Variants in NFIA observed in about 807,000 individuals in gnomAD.
NFIA encodes the protein nuclear factor I A, also known as nuclear factor 1 A-type.
Under a neutral mutation model 62.8 loss-of-function variants are expected in NFIA, and 8 were observed. The observed-to-expected ratio is 0.13, with a 90% CI of 0.07 to 0.23. NFIA has a LOEUF of 0.23. NFIA is among the 10% of genes least tolerant of loss of function. The pLI, the probability that NFIA is intolerant of heterozygous loss-of-function variation, is 1.00. For missense variants in NFIA, 410 were observed against 642.1 expected, an observed-to-expected ratio of 0.64 and a Z score of 3.91; for synonymous variants, 235 against 238.1, an observed-to-expected ratio of 0.99 and a Z score of 0.12.
At chr1:61,157,180 T>G (rs1648878451) in intron 2 of NFIA, among the ~76,000 whole-genome samples, 1 of 152,220 alleles carries the variant, frequency 6.6e-6, no homozygotes, top group Non-Finnish European at 1.5e-5. Context: ...TGGCTTTTTG[T>G]TTTTTTGTTT....
At chr1:61,207,907 A>G (rs1345458175) in intron 2 of NFIA, among the ~76,000 whole-genome samples, 2 of 152,044 alleles carry the variant, frequency 1.3e-5, no homozygotes, top group African/African-American at 4.8e-5. Context: ...TTGCTGAGGA[A>G]AAGGAATGAG....
At chr1:61,113,809 A>G (rs949819103) in intron 2 of NFIA, among the ~76,000 whole-genome samples, 1 of 152,062 alleles carries the variant, frequency 6.6e-6, no homozygotes, top group Non-Finnish European at 1.5e-5. Flanking sequence ...AAGCAGACAT[A>G]TGCACGATTT....
At chr1:61,279,427 A>T (rs1184205691) in intron 3 of NFIA, among the ~76,000 whole-genome samples, 1 of 149,660 alleles carries the variant, frequency 6.7e-6, no homozygotes, top group African/African-American at 2.5e-5. Context: ...AGAACTCTGG[A>T]GGTTTGTTTT....
intron 10 of NFIA, among the ~76,000 whole-genome samples, chr1:61,428,066 C>T (rs1202353555): frequency 1.3e-5 from 2 of 152,152 alleles, no homozygotes; most frequent in African/African-American, 2.4e-5. Context: ...TCCCAAAGCA[C>T]GAATGTCCTC....
At chr1:61,154,952 T>C (rs1648688812) in intron 2 of NFIA, among the ~76,000 whole-genome samples, 1 of 152,234 alleles carries the variant, frequency 6.6e-6, no homozygotes, top group African/African-American at 2.4e-5. Flanking sequence ...ACATTGTTGC[T>C]AAAAGCTTAG....
chr1:61,220,733 G>A (rs1418425422), intron 2 of NFIA, among the ~76,000 whole-genome samples: 1 of 152,146 alleles, frequency 6.6e-6, no homozygotes, highest in East Asian at 1.9e-4. Flanking sequence ...AATGTGGTTT[G>A]CTGAAACCCA....
chr1:61,387,036 T>G (rs1664726012), intron 7 of NFIA, among the ~76,000 whole-genome samples: 1 of 152,212 alleles, frequency 6.6e-6, no homozygotes. Context: ...CCCCACCCTG[T>G]GACCTAATCA....
chr1:61,352,249 A>G (rs1402696488), intron 4 of NFIA, among the ~76,000 whole-genome samples: 4 of 152,236 alleles, frequency 2.6e-5, no homozygotes, highest in Non-Finnish European at 4.4e-5. Context: ...GATGAAAAAT[A>G]TATTAGAAAA....
At chr1:61,134,355 A>T (rs1341028932) in intron 2 of NFIA, among the ~76,000 whole-genome samples, 5 of 151,502 alleles carry the variant, frequency 3.3e-5, no homozygotes, top group African/African-American at 1.2e-4. Flanking sequence ...TTTAAATCCC[A>T]TTATGCACAG....
intron 2 of NFIA, among the ~76,000 whole-genome samples, chr1:61,189,951 A>G (rs1356634193): frequency 1.3e-5 from 2 of 152,152 alleles, no homozygotes; most frequent in Non-Finnish European, 2.9e-5. Context: ...ATAAGGAATA[A>G]TGTCACGTAT....
intron 6 of NFIA, among the ~76,000 whole-genome samples, chr1:61,368,158 T>G (rs1194904380): frequency 6.6e-6 from 1 of 152,202 alleles, no homozygotes; most frequent in Admixed American, 6.5e-5. Context: ...TCCAAATTTT[T>G]AATTTCATGT....
chr1:61,285,155 G>A (rs1658405425), intron 3 of NFIA, among the ~76,000 whole-genome samples: 1 of 152,146 alleles, frequency 6.6e-6, no homozygotes, highest in South Asian at 2.1e-4. Context: ...CCATTGCTCT[G>A]TTTTCCCTGT....
chr1:61,432,154 A>G (rs1336547578), intron 10 of NFIA, among the ~76,000 whole-genome samples: 1 of 151,744 alleles, frequency 6.6e-6, no homozygotes, highest in East Asian at 1.9e-4. Context: ...GAGGCTGGAT[A>G]GTTTTTCTGT....
chr1:61,181,220 G>C (rs562592487), intron 2 of NFIA, among the ~76,000 whole-genome samples: 4 of 152,134 alleles, frequency 2.6e-5, no homozygotes, highest in Non-Finnish European at 4.4e-5. Flanking sequence ...AATTAGACTG[G>C]CAATCCCCTT....
At chr1:61,364,001 C>G (rs566017914) in intron 6 of NFIA, among the ~76,000 whole-genome samples, 4 of 149,052 alleles carry the variant, frequency 2.7e-5, no homozygotes, top group South Asian at 4.2e-4. Context: ...GGCTGGAGTG[C>G]AGTGGCGCGA....
At chr1:61,305,948 C>T (rs1659751750) in intron 3 of NFIA, among the ~76,000 whole-genome samples, 1 of 151,126 alleles carries the variant, frequency 6.6e-6, no homozygotes, top group African/African-American at 2.4e-5. Context: ...CCCGAGTTCA[C>T]ACCATTCTCC....
chr1:61,086,840 A>G (rs891919955), intron 1 of NFIA, among the ~76,000 whole-genome samples: 2 of 152,190 alleles, frequency 1.3e-5, no homozygotes, highest in African/African-American at 4.8e-5. Flanking sequence ...GTATATATTT[A>G]GTTAGATATA....
At chr1:61,183,562 A>G (rs966848787) in intron 2 of NFIA, among the ~76,000 whole-genome samples, 15 of 152,228 alleles carry the variant, frequency 9.9e-5, no homozygotes, top group African/African-American at 3.6e-4. Context: ...TGGTAACACC[A>G]CAGACATGCC....
chr1:61,427,704 A>G (rs960211339), intron 10 of NFIA, among the ~76,000 whole-genome samples: 6 of 152,198 alleles, frequency 3.9e-5, no homozygotes, highest in African/African-American at 1.2e-4. Flanking sequence ...CACAGAAAGT[A>G]CAGCATCAGC....
Sources: gnomAD v4.1 joint callset for allele counts (sites outside exome capture counted in the v4.1 genomes callset) on GRCh38, gnomAD v4.1.1 for gene constraint, MANE v1.5 for transcripts, NCBI Gene and HGNC (gene_info 2026-07-23, HGNC 2026-07-21) for gene names.